Variants in EYA4 observed in about 807,000 individuals in gnomAD.
The protein encoded by EYA4 is EYA transcriptional coactivator and phosphatase 4, also known as protein phosphatase EYA4.
EYA4 carries 31 observed loss-of-function variants against 87.9 expected under a neutral mutation model. The observed-to-expected ratio is 0.35, with a 90% CI of 0.27 to 0.48. EYA4 has a LOEUF of 0.48. EYA4 is among the 20% of genes least tolerant of loss of function. The probability of loss-of-function intolerance (pLI) is 0.99; values close to 1 mark genes in which losing one functional copy is unlikely to be tolerated. For missense variants in EYA4, 678 were observed against 761.4 expected (o/e 0.89, Z 1.29); for synonymous variants, 263 against 270.6 (o/e 0.97, Z 0.28).
intron 3 of EYA4, among the ~76,000 whole-genome samples, chr6:133,417,109 CTTAAAA>C (rs1789783765): frequency 6.6e-6 from 1 of 152,136 alleles, no homozygotes. Flanking sequence ...GAATGTGAAA[CTTAAAA>C]TTAAGAATAT....
chr6:133,504,908 G>C (rs942990059), intron 13 of EYA4, among the ~76,000 whole-genome samples: 1 of 152,080 alleles, frequency 6.6e-6, no homozygotes, highest in African/African-American at 2.4e-5. Flanking sequence ...ACACAATTTC[G>C]GCTCTCTCTT....
chr6:133,517,533 CAAA>C (rs71742184), intron 17 of EYA4, among the ~76,000 whole-genome samples: 1 of 134,626 alleles, frequency 7.4e-6, no homozygotes, highest in South Asian at 2.3e-4. Context: ...CCTGACAGGG[CAAA>C]AAAAAAAAAA....
At chr6:133,346,326 T>C (rs1783191452) in intron 2 of EYA4, among the ~76,000 whole-genome samples, 1 of 152,186 alleles carries the variant, frequency 6.6e-6, no homozygotes, top group Non-Finnish European at 1.5e-5. Flanking sequence ...AATTACATAA[T>C]CTTTCTTGAC....
At chr6:133,437,144 T>C (rs1791767435) in intron 3 of EYA4, among the ~76,000 whole-genome samples, 1 of 152,174 alleles carries the variant, frequency 6.6e-6, no homozygotes, top group South Asian at 2.1e-4. Context: ...AATGGCCTCA[T>C]GACATAAGGA....
intron 2 of EYA4, among the ~76,000 whole-genome samples, chr6:133,311,034 A>G (rs184842850): frequency 6.6e-6 from 1 of 152,256 alleles, no homozygotes; most frequent in Admixed American, 6.5e-5. Context: ...TCTCTCTAGT[A>G]TTTCAAGCCT....
chr6:133,497,887 G>A (rs1797769950), intron 13 of EYA4, among the ~76,000 whole-genome samples: 1 of 152,192 alleles, frequency 6.6e-6, no homozygotes, highest in Admixed American at 6.5e-5. Flanking sequence ...CAGGAAAAGT[G>A]AATGGTTGGC....
intron 2 of EYA4, among the ~76,000 whole-genome samples, chr6:133,312,086 T>C (rs1025675799): frequency 3.3e-5 from 5 of 151,596 alleles, no homozygotes; most frequent in African/African-American, 1.2e-4. Flanking sequence ...GTACAGGAGG[T>C]TGGGGTGTTT....
chr6:133,519,319 C>T (rs1799892683), intron 17 of EYA4, among the ~76,000 whole-genome samples: 1 of 151,946 alleles, frequency 6.6e-6, no homozygotes, highest in Non-Finnish European at 1.5e-5. Context: ...GGGGATATCA[C>T]CACCAATCCC....
chr6:133,446,867 C>T, intron 4 of EYA4, 113 bp downstream of exon 4: 1 of 1,044,866 alleles, frequency 9.6e-7, no homozygotes, highest in Non-Finnish European at 1.4e-6. Context: ...CACAAATCAG[C>T]ATTATATCCA....
intron 2 of EYA4, among the ~76,000 whole-genome samples, chr6:133,332,574 CGCCAGTGTT>C (rs1276354096): frequency 1.3e-5 from 2 of 152,030 alleles, no homozygotes; most frequent in Admixed American, 1.3e-4. Context: ...CTTGCTCTGT[CGCCAGTGTT>C]GCCAGGCTGG....
At position 133,241,692 on chromosome 6, in the gene EYA4, G is replaced by C. The variant is rs1026484595; in HGVS notation, c.-123G>C. ...CGAGAATAAATACTTAATTACGGAC[G>C]CACTGAACCGCGGCTGGGACAGACA... On this transcript the variant is annotated 5_prime_UTR_variant, in exon 1 of 20. Transcript: ENST00000355286. 2.6e-5 allele frequency: 4 copies of C among 152,266 alleles called. No individual in the cohort carries two copies. Among genetic ancestry groups the C allele is most frequent in the African/African-American group, 9.6e-5 (4 of 41,454 alleles). The allele number at this position is 152,266 out of a possible 1,614,324, so 9.4% of individuals were successfully genotyped here. A position where few individuals can be genotyped will look rare whatever the true frequency, so the allele number is the denominator to read the frequency against.
intron 5 of EYA4, among the ~76,000 whole-genome samples, chr6:133,452,165 A>G: frequency 6.6e-6 from 1 of 152,168 alleles, no homozygotes; most frequent in East Asian, 1.9e-4. Context: ...TATAAATTGT[A>G]ACTTTCCTGA....
At chr6:133,315,378 G>C (rs1780545463) in intron 2 of EYA4, among the ~76,000 whole-genome samples, 1 of 152,014 alleles carries the variant, frequency 6.6e-6, no homozygotes, top group Non-Finnish European at 1.5e-5. Context: ...CAACCTCAAG[G>C]TGAAATATTT....
chr6:133,467,176 T>C (rs971706061), intron 10 of EYA4, among the ~76,000 whole-genome samples: 1 of 152,142 alleles, frequency 6.6e-6, no homozygotes, highest in Non-Finnish European at 1.5e-5. Flanking sequence ...AGCCTGGACC[T>C]TTCCAGTATG....
At chr6:133,430,521 A>G (rs770423780) in intron 3 of EYA4, among the ~76,000 whole-genome samples, 1 of 152,218 alleles carries the variant, frequency 6.6e-6, no homozygotes, top group Admixed American at 6.5e-5. Flanking sequence ...TCTACTTTTC[A>G]TATTTAAGGA....
chr6:133,308,067 C>T (rs1181756729), intron 2 of EYA4, among the ~76,000 whole-genome samples: 1 of 152,140 alleles, frequency 6.6e-6, no homozygotes, highest in Non-Finnish European at 1.5e-5. Context: ...TGTGCCTTTG[C>T]TCCTCCTTTG....
At chr6:133,504,423 C>G (rs1018794112) in intron 13 of EYA4, among the ~76,000 whole-genome samples, 15 of 152,164 alleles carry the variant, frequency 9.9e-5, no homozygotes, top group African/African-American at 3.6e-4. Flanking sequence ...AAATGAGAAT[C>G]TCTGCCTATG....
intron 2 of EYA4, among the ~76,000 whole-genome samples, chr6:133,342,102 A>G (rs924865030): frequency 6.6e-6 from 1 of 151,860 alleles, no homozygotes; most frequent in South Asian, 2.1e-4. Context: ...TAACTTATGG[A>G]CCCTAAGGCA....
rs759073301 is a variant in EYA4, at chr6:133,461,124, T to G, written c.381T>G (p.Ser127Arg). ...TTTTGTGTCTTACAGTAATTACAAG[T>G]AGTGGCTACAGCCCCAGATCAGCAC... Reference protein sequence around the residue: ...LDTFTGSVITSSGYSPRSAHQ... With the variant: ...LDTFTGSVITRSGYSPRSAHQ... Residue 127 changes from serine to arginine, a missense_variant, in exon 7 of 20, where the codon AGT (serine) becomes AGG (arginine). Ser to Arg is a moderately radical substitution (Grantham distance 110). Coordinates refer to ENST00000355286, the MANE Select transcript of EYA4 (RefSeq NM_004100.5). 6.2e-7 allele frequency: 1 copy of G among 1,612,204 alleles called. No individual in the cohort carries two copies. The highest frequency in any genetic ancestry group is 8.5e-7 in the Non-Finnish European group (1 of 1,178,374).
Sources: allele counts gnomAD v4.1 joint callset (sites outside exome capture counted in the v4.1 genomes callset), GRCh38; gene constraint gnomAD v4.1.1; transcripts MANE v1.5; gene names NCBI Gene and HGNC (gene_info 2026-07-23, HGNC 2026-07-21).